Variants in TRPC6 observed in about 807,000 individuals in gnomAD.
TRPC6 encodes the protein short transient receptor potential channel 6.
A neutral mutation model predicts 90.7 loss-of-function variants in TRPC6; 55 were observed. That is an observed-to-expected ratio of 0.61 (90% CI 0.49 to 0.76). The LOEUF (loss-of-function observed/expected upper bound fraction) is 0.76, where lower values mean the gene tolerates loss of function less well. TRPC6 is among the 30% of genes least tolerant of loss of function. TRPC6 has a pLI of 0.00. For synonymous variants in TRPC6, 393 were observed against 393.0 expected (o/e 1.00, Z 0.00); for missense variants, 989 against 1,122.7 (o/e 0.88, Z 1.70).
At chr11:101,522,872 T>C (rs1465750799) in intron 1 of TRPC6, among the ~76,000 whole-genome samples, 1 of 152,040 alleles carries the variant, frequency 6.6e-6, no homozygotes, top group East Asian at 1.9e-4. Flanking sequence ...TTTGAGAAAA[T>C]CCATAAAATT....
chr11:101,543,616 A>G (rs1366118045), intron 1 of TRPC6, among the ~76,000 whole-genome samples: 1 of 152,182 alleles, frequency 6.6e-6, no homozygotes, highest in African/African-American at 2.4e-5. Context: ...CAAACCTGAC[A>G]AAAACAAGAA....
At chr11:101,484,108 A>C (rs992657407) in intron 4 of TRPC6, among the ~76,000 whole-genome samples, 8 of 152,202 alleles carry the variant, frequency 5.3e-5, no homozygotes, top group African/African-American at 1.9e-4. Context: ...AACTAATAAA[A>C]TACAACCAAC....
At chr11:101,554,105 G>A (rs950620450) in intron 1 of TRPC6, among the ~76,000 whole-genome samples, 3 of 152,126 alleles carry the variant, frequency 2.0e-5, no homozygotes, top group African/African-American at 7.2e-5. Context: ...AGAACACGTG[G>A]TCAGATGCAA....
chr11:101,534,785 T>A (rs1304672091), intron 1 of TRPC6, among the ~76,000 whole-genome samples: 7 of 152,028 alleles, frequency 4.6e-5, no homozygotes, highest in African/African-American at 9.7e-5. Context: ...TTTCAGAAAA[T>A]TTTTTAAAAG....
rs1243265024 is a variant in TRPC6, at chr11:101,504,178, T to C, written c.791A>G (p.His264Arg). The C allele has an allele frequency of 6.2e-7, 1 of 1,614,180 alleles. No homozygotes were observed. The highest frequency in any genetic ancestry group is 8.5e-7 in the Non-Finnish European group (1 of 1,180,006). Residue 264 changes from histidine (H) to arginine (R), a missense_variant, in exon 2 of 13, where the codon CAT becomes CGT. Physicochemically the swap from His to Arg is conservative, Grantham distance 29 (BLOSUM62 0). Transcript: ENST00000344327. ...KCNDCNQKQK[H>R]DSFSHSRSRI... The stretch of plus-strand genomic sequence containing the variant: ...AGATCTGGAGTGGCTAAACGAGTCA[T>C]GCTTCTGTTTCTGGTTGCAGTCATT...
At chr11:101,512,305 T>C (rs746214006) in intron 1 of TRPC6, among the ~76,000 whole-genome samples, 5 of 152,298 alleles carry the variant, frequency 3.3e-5, no homozygotes, top group Admixed American at 2.0e-4. Context: ...TCACTTTCAG[T>C]TGGGAGCCAG....
intron 1 of TRPC6, among the ~76,000 whole-genome samples, chr11:101,567,244 G>C (rs1028290223): frequency 3.3e-5 from 5 of 152,094 alleles, no homozygotes; most frequent in Non-Finnish European, 7.4e-5. Flanking sequence ...TATAAACAAA[G>C]CCCTGGGGAA....
chr11:101,547,591 T>C (rs4754768), intron 1 of TRPC6, among the ~76,000 whole-genome samples: 110,558 of 152,072 alleles, frequency 0.73, 40,791 homozygotes, highest in East Asian at 0.99. Context: ...TCAATTGAGA[T>C]CATCGATTTC....
intron 1 of TRPC6, among the ~76,000 whole-genome samples, chr11:101,539,666 A>T (rs189723029): frequency 1.3e-5 from 2 of 152,338 alleles, no homozygotes; most frequent in East Asian, 3.9e-4. Context: ...GCATCTTTCC[A>T]GAATCCTGGG....
chr11:101,500,995 C>G (rs759945481), intron 2 of TRPC6, among the ~76,000 whole-genome samples: 3 of 152,014 alleles, frequency 2.0e-5, no homozygotes, highest in African/African-American at 4.8e-5. Context: ...TATTTATACT[C>G]ACAGAAGACA....
At chr11:101,499,442 T>C (rs1860034982) in intron 2 of TRPC6, among the ~76,000 whole-genome samples, 1 of 150,204 alleles carries the variant, frequency 6.7e-6, no homozygotes, top group Non-Finnish European at 1.5e-5. Flanking sequence ...TATTTATTCC[T>C]ACTACTATTT....
In TRPC6 at chr11:101,452,780, T is replaced by TGGA; in HGVS notation, c.*172_*174dup. ...TATCTACAGCCTTTACCCTGAACAATGGAGTTTAATCACCAAAAAAATTAG... is the reference window on the plus strand; with the variant it reads ...TATCTACAGCCTTTACCCTGAACAATGGAGGAGTTTAATCACCAAAAAAATTAG... On this transcript the variant is annotated 3_prime_UTR_variant, in exon 13 of 13. Transcript: ENST00000344327. The TGGA allele has an allele frequency of 1.5e-6, 1 of 663,284 alleles. No homozygotes were observed. The highest frequency in any genetic ancestry group is 2.6e-6 in the Non-Finnish European group (1 of 390,156). The allele number at this position is 663,284 out of a possible 1,614,324, so 41.1% of individuals were successfully genotyped here.
chr11:101,575,386 C>G (rs1862050268), intron 1 of TRPC6, among the ~76,000 whole-genome samples: 1 of 152,110 alleles, frequency 6.6e-6, no homozygotes, highest in African/African-American at 2.4e-5. Context: ...AGAGATAAAA[C>G]AAAATCCTTT....
chr11:101,475,628 T>C (rs1164390235), intron 6 of TRPC6, among the ~76,000 whole-genome samples: 1 of 151,902 alleles, frequency 6.6e-6, no homozygotes, highest in Non-Finnish European at 1.5e-5. Flanking sequence ...CATCTCCCCA[T>C]TTTGTGCCTT....
chr11:101,501,604 A>C (rs1175268734), intron 2 of TRPC6, among the ~76,000 whole-genome samples: 1 of 152,082 alleles, frequency 6.6e-6, no homozygotes, highest in Admixed American at 6.6e-5. Context: ...GAGTTTACAC[A>C]CAAAGGCAAG....
In TRPC6 at chr11:101,546,249, T is replaced by G; in HGVS notation, c.170+37085A>C. ...ACCGCGCCCGGCTAATTTTTTTGTA[T>G]TTTTAGTAGAGACGGGGTTTCACCT... On this transcript the variant is annotated intron_variant, in intron 1 of 12. Transcript: ENST00000344327. Among the ~76,000 whole-genome samples, 2 of 111,510 alleles carry G rather than the reference T, an allele frequency of 1.8e-5. 1 individual carries two copies. Among genetic ancestry groups the G allele is most frequent in the Middle Eastern group, 7.5e-3 (2 of 266 alleles). The allele number at this position is 111,510 out of a possible 152,430, so 73.2% of individuals were successfully genotyped here.
At chr11:101,537,500 C>T (rs977530724) in intron 1 of TRPC6, among the ~76,000 whole-genome samples, 1 of 152,038 alleles carries the variant, frequency 6.6e-6, no homozygotes, top group Non-Finnish European at 1.5e-5. Flanking sequence ...CTATAAGTAA[C>T]TACATCTTTA....
intron 1 of TRPC6, among the ~76,000 whole-genome samples, chr11:101,526,631 G>A (rs928177743): frequency 3.3e-5 from 5 of 151,892 alleles, no homozygotes; most frequent in African/African-American, 9.7e-5. Context: ...GGGAGGCCGA[G>A]GCAGGCAGAT....
intron 1 of TRPC6, among the ~76,000 whole-genome samples, chr11:101,555,166 A>T (rs1861533926): frequency 6.6e-6 from 1 of 152,184 alleles, no homozygotes; most frequent in Non-Finnish European, 1.5e-5. Flanking sequence ...TCACTAGATG[A>T]TTATACAACT....
Sources: allele counts gnomAD v4.1 joint callset (sites outside exome capture counted in the v4.1 genomes callset), GRCh38; gene constraint gnomAD v4.1.1; transcripts MANE v1.5; gene names NCBI Gene and HGNC (gene_info 2026-07-23, HGNC 2026-07-21).